Variants in SOHLH2 observed in about 807,000 individuals in gnomAD.
SOHLH2 encodes the protein spermatogenesis and oogenesis specific basic helix-loop-helix 2, also known as spermatogenesis- and oogenesis-specific basic helix-loop-helix-containing protein 2.
In SOHLH2, 22 loss-of-function variants were observed where a neutral mutation model predicts 50.4. The ratio of observed to expected loss-of-function variants is 0.44; its 90% confidence interval spans 0.31 to 0.62. The LOEUF (loss-of-function observed/expected upper bound fraction) is 0.62. SOHLH2 is among the 20% of genes least tolerant of loss of function. SOHLH2 has a pLI of 0.08. For missense variants in SOHLH2, 412 were observed against 504.4 expected, an observed-to-expected ratio of 0.82 and a Z score of 1.76; for synonymous variants, 185 against 187.3, an observed-to-expected ratio of 0.99 and a Z score of 0.10.
At chr13:36,174,135 G>A (rs926930166) in intron 8 of SOHLH2, among the ~76,000 whole-genome samples, 2 of 152,126 alleles carry the variant, frequency 1.3e-5, no homozygotes, top group African/African-American at 4.8e-5. Context: ...TCCAGGGCCC[G>A]AGACCTCTCC....
At chr13:36,183,135 GC>G in intron 6 of SOHLH2, 1 of 357,262 alleles carries the variant, frequency 2.8e-6, no homozygotes, top group Non-Finnish European at 6.1e-6. Context: ...TTTGCCTCCT[GC>G]CATGATTGTA....
intron 1 of SOHLH2, among the ~76,000 whole-genome samples, chr13:36,205,705 T>C (rs1178817203): frequency 6.6e-6 from 1 of 152,076 alleles, no homozygotes; most frequent in Non-Finnish European, 1.5e-5. Context: ...CTTATCTTGT[T>C]TAGGTATCAG....
intron 6 of SOHLH2, chr13:36,182,271 C>A: frequency 1.0e-6 from 1 of 985,360 alleles, no homozygotes; most frequent in Non-Finnish European, 1.2e-6. Flanking sequence ...TGTTCTACTG[C>A]AAACAAGAAT....
At chr13:36,206,674 T>C (rs1338657227) in intron 1 of SOHLH2, among the ~76,000 whole-genome samples, 2 of 151,954 alleles carry the variant, frequency 1.3e-5, no homozygotes, top group Non-Finnish European at 2.9e-5. Flanking sequence ...TAAAGTTCTA[T>C]ATATCTTTTA....
At chr13:36,197,215 C>T (rs142201931) in intron 2 of SOHLH2, among the ~76,000 whole-genome samples, 13 of 152,184 alleles carry the variant, frequency 8.5e-5, no homozygotes, top group African/African-American at 2.2e-4. Flanking sequence ...TTCACGATTA[C>T]GCTGTTTAAA....
intron 6 of SOHLH2, among the ~76,000 whole-genome samples, chr13:36,181,057 A>G (rs1303501573): frequency 6.6e-6 from 1 of 152,164 alleles, no homozygotes; most frequent in Non-Finnish European, 1.5e-5. Flanking sequence ...TTCTTATCAC[A>G]TGCTATTTGT....
intron 2 of SOHLH2, among the ~76,000 whole-genome samples, chr13:36,197,659 C>T (rs913796376): frequency 6.6e-6 from 1 of 152,132 alleles, no homozygotes. Context: ...GGGCTAAATG[C>T]GGCCAAACTA....
intron 4 of SOHLH2, among the ~76,000 whole-genome samples, chr13:36,192,260 A>C (rs1222791946): frequency 1.3e-5 from 2 of 152,164 alleles, no homozygotes; most frequent in Non-Finnish European, 2.9e-5. Context: ...TGCACTGTCG[A>C]AATATAGCAT....
At chr13:36,190,301 T>C (rs1887537314) in intron 5 of SOHLH2, among the ~76,000 whole-genome samples, 1 of 152,164 alleles carries the variant, frequency 6.6e-6, no homozygotes, top group South Asian at 2.1e-4. Context: ...CTAAAATAAA[T>C]TGTTAACAAT....
At chr13:36,182,759 T>C (rs1398970316) in intron 6 of SOHLH2, 1 of 152,288 alleles carries the variant, frequency 6.6e-6, no homozygotes, top group Non-Finnish European at 1.5e-5. Context: ...TCATGAGATA[T>C]GATAAACAGT....
intron 1 of SOHLH2, among the ~76,000 whole-genome samples, chr13:36,203,954 G>GTTT (rs3080977): frequency 1.8e-5 from 2 of 111,128 alleles, no homozygotes; most frequent in African/African-American, 3.6e-5. Context: ...CTTTTTTTTT[G>GTTT]TTTTTTTTTT....
intron 2 of SOHLH2, among the ~76,000 whole-genome samples, chr13:36,197,873 T>C (rs1309793386): frequency 6.6e-6 from 1 of 152,214 alleles, no homozygotes; most frequent in East Asian, 1.9e-4. Flanking sequence ...TCAGTTCCTA[T>C]TCACTTCCTC....
chr13:36,211,337 A>G (rs909627963), intron 1 of SOHLH2, among the ~76,000 whole-genome samples: 10 of 152,280 alleles, frequency 6.6e-5, no homozygotes, highest in Middle Eastern at 6.8e-3. Context: ...CTGCCACTTT[A>G]TGTCTCTGCT....
intron 10 of SOHLH2, among the ~76,000 whole-genome samples, chr13:36,169,323 C>T (rs1444257428): frequency 6.6e-6 from 1 of 152,016 alleles, no homozygotes; most frequent in Non-Finnish European, 1.5e-5. Flanking sequence ...TTTCATTTAC[C>T]CTAGCCTTCC....
intron 1 of SOHLH2, among the ~76,000 whole-genome samples, chr13:36,207,396 C>T (rs982191275): frequency 2.6e-5 from 4 of 151,712 alleles, no homozygotes; most frequent in African/African-American, 9.7e-5. Flanking sequence ...GAGTGAAATC[C>T]CTAATTTTTA....
At chr13:36,192,039 T>A in intron 4 of SOHLH2, 145 bp from the exon 5 acceptor site, 1 of 933,096 alleles carries the variant, frequency 1.1e-6, no homozygotes. Flanking sequence ...TGAAAGCAAT[T>A]TATAGATTTC....
rs138418873 is a variant in SOHLH2, at chr13:36,207,635, A to G, written c.49-5542T>C. On this transcript the variant is annotated intron_variant, in intron 1 of 10. Transcript: ENST00000379881. ...AAACTACAGACTTTATTTGAATTTC[A>G]CCAATTTTTCCACTGATAGCCTTTT... Among the ~76,000 whole-genome samples the G allele has an allele frequency of 7.7e-4, 117 of 152,292 alleles. 2 individuals carry two copies. In the East Asian group the frequency reaches 0.021, roughly 28 times the overall value.
At chr13:36,182,800 A>T (rs576305156) in intron 6 of SOHLH2, 1 of 152,284 alleles carries the variant, frequency 6.6e-6, no homozygotes, top group African/African-American at 2.4e-5. Context: ...GTTTCAGAGT[A>T]ATCTGTTGTA....
intron 10 of SOHLH2, among the ~76,000 whole-genome samples, chr13:36,169,963 T>C (rs1018024874): frequency 6.6e-6 from 1 of 152,208 alleles, no homozygotes; most frequent in African/African-American, 2.4e-5. Flanking sequence ...ACACTAAATC[T>C]GCATGAGGGC....
Sources: gnomAD v4.1 joint callset for allele counts (sites outside exome capture counted in the v4.1 genomes callset) on GRCh38, gnomAD v4.1.1 for gene constraint, MANE v1.5 for transcripts, NCBI Gene and HGNC (gene_info 2026-07-23, HGNC 2026-07-21) for gene names.